RGPD6: variants seen among roughly 807,000 people sequenced by gnomAD.
RGPD6 encodes the protein RANBP2-like and GRIP domain-containing protein 5/6.
chr2:110,592,605 ACCCAG>A, the RGPD6 span, among the ~76,000 whole-genome samples: 8 of 129,406 alleles, frequency 6.2e-5, no homozygotes, highest in Admixed American at 3.8e-4. Context: ...ACAAGGTGAA[ACCCAG>A]TCTCTACTAA....
At chr2:110,604,765 T>A in the RGPD6 span, among the ~76,000 whole-genome samples, 7 of 146,956 alleles carry the variant, frequency 4.8e-5, no homozygotes, top group African/African-American at 1.5e-4. Context: ...TATTGAGAGG[T>A]TTTTTTTTCT....
chr2:110,596,928 A>AT, the RGPD6 span, among the ~76,000 whole-genome samples: 2 of 130,768 alleles, frequency 1.5e-5, no homozygotes, highest in Non-Finnish European at 3.1e-5. Flanking sequence ...ATATATATAT[A>AT]TATTATATAT....
the RGPD6 span, among the ~76,000 whole-genome samples, chr2:110,601,067 T>C: frequency 2.0e-5 from 3 of 151,722 alleles, no homozygotes; most frequent in Non-Finnish European, 4.4e-5. Context: ...TGCTCTGAGC[T>C]TCTATTTTAG....
chr2:110,596,948 A>T, the RGPD6 span, among the ~76,000 whole-genome samples: 1 of 95,878 alleles, frequency 1.0e-5, no homozygotes, highest in Non-Finnish European at 2.0e-5. Flanking sequence ...TATTTTATAT[A>T]TATAATATAT....
the RGPD6 span, among the ~76,000 whole-genome samples, chr2:110,609,831 G>A: frequency 8.2e-6 from 1 of 122,114 alleles, no homozygotes; most frequent in South Asian, 3.0e-4. Flanking sequence ...ATAGTGGGGG[G>A]TTGGGGGGAG....
the RGPD6 span, among the ~76,000 whole-genome samples, chr2:110,606,171 CTCT>C: frequency 6.6e-6 from 1 of 150,802 alleles, no homozygotes; most frequent in Admixed American, 6.6e-5. Flanking sequence ...TTTCATGATG[CTCT>C]TGTTTCACTT....
the RGPD6 span, among the ~76,000 whole-genome samples, chr2:110,604,690 A>T: frequency 6.6e-6 from 1 of 151,476 alleles, no homozygotes; most frequent in African/African-American, 2.4e-5. Flanking sequence ...AATAAAAAAA[A>T]AAATCAAACA....
At chr2:110,606,913 GTTC>G in the RGPD6 span, among the ~76,000 whole-genome samples, 4 of 151,666 alleles carry the variant, frequency 2.6e-5, no homozygotes, top group East Asian at 7.7e-4. Flanking sequence ...TTTCATGTGT[GTTC>G]TTGTCTTAAT....
chr2:110,596,973 GTA>G, the RGPD6 span, among the ~76,000 whole-genome samples: 100,979 of 115,254 alleles, frequency 0.88, 43,666 homozygotes, highest in Non-Finnish European at 0.92. Flanking sequence ...TATATATTAT[GTA>G]TATATATATA....
intron 1 of RGPD6, 49 bp downstream of exon 1, chr2:110,576,904 C>CCG (rs751587010): frequency 9.0e-7 from 1 of 1,110,080 alleles, no homozygotes; most frequent in African/African-American, 2.0e-5. Context: ...CCCCCCCTCC[C>CCG]CCCCCGGCCG....
chr2:110,604,632 T>C, the RGPD6 span, among the ~76,000 whole-genome samples: 4 of 151,566 alleles, frequency 2.6e-5, no homozygotes, highest in African/African-American at 9.8e-5. Context: ...AAAATCGTCT[T>C]TTATGGGGCC....
the RGPD6 span, among the ~76,000 whole-genome samples, chr2:110,600,090 G>A: frequency 7.9e-5 from 12 of 151,808 alleles, no homozygotes; most frequent in South Asian, 2.1e-4. Flanking sequence ...ACAGTATGCC[G>A]CCGCACGTGA....
the RGPD6 span, among the ~76,000 whole-genome samples, chr2:110,589,359 G>GATAAAATAAA: frequency 1.3e-5 from 2 of 151,300 alleles, no homozygotes; most frequent in South Asian, 4.2e-4. Flanking sequence ...TCAAAAAAAG[G>GATAAAATAAA]ATAAAATAAA....
chr2:110,600,913 C>T, the RGPD6 span, among the ~76,000 whole-genome samples: 2 of 145,838 alleles, frequency 1.4e-5, no homozygotes, highest in African/African-American at 5.0e-5. Flanking sequence ...TATTGATCCA[C>T]AGCCCGGGGG....
At chr2:110,610,984 G>C in the RGPD6 span, 1 of 933,922 alleles carries the variant, frequency 1.1e-6, no homozygotes, top group South Asian at 4.9e-5. Flanking sequence ...GCACTCACCC[G>C]CTCCCCGGCT....
the RGPD6 span, among the ~76,000 whole-genome samples, chr2:110,589,551 T>C: frequency 3.3e-5 from 5 of 151,320 alleles, no homozygotes; most frequent in African/African-American, 9.7e-5. Flanking sequence ...AAATCTAAGC[T>C]ACCTGACTCC....
At chr2:110,606,139 TCA>T in the RGPD6 span, among the ~76,000 whole-genome samples, 1 of 151,572 alleles carries the variant, frequency 6.6e-6, no homozygotes, top group Non-Finnish European at 1.5e-5. Context: ...TCGAAGTGTA[TCA>T]CACATAGTAA....
At chr2:110,607,209 C>T in the RGPD6 span, among the ~76,000 whole-genome samples, 2 of 150,480 alleles carry the variant, frequency 1.3e-5, no homozygotes, top group South Asian at 4.2e-4. Context: ...TATCTGCTGC[C>T]CCTGTAAACT....
the RGPD6 span, among the ~76,000 whole-genome samples, chr2:110,605,873 C>T: frequency 6.6e-6 from 1 of 151,352 alleles, no homozygotes. Flanking sequence ...TGAAATTCTA[C>T]TCCAGGACCC....
Sources: allele counts gnomAD v4.1 joint callset (sites outside exome capture counted in the v4.1 genomes callset), GRCh38; gene constraint gnomAD v4.1.1; transcripts MANE v1.5; gene names NCBI Gene and HGNC (gene_info 2026-07-23, HGNC 2026-07-21).